SPACA6: variants seen among roughly 807,000 people sequenced by gnomAD.
The protein encoded by SPACA6 is sperm acrosome membrane-associated protein 6.
For synonymous variants in SPACA6, 6 were observed against 1.5 expected (o/e 4.05, Z -2.21); for missense variants, 8 against 2.8 (o/e 2.88, Z -1.34).
downstream of SPACA6, among the ~76,000 whole-genome samples, chr19:51,709,891 G>A (rs185238086): frequency 1.9e-3 from 296 of 152,280 alleles, 1 homozygote; most frequent in African/African-American, 7.0e-3. Context: ...GATGAGAGAA[G>A]GAGAGAGGCC....
chr19:51,705,216 A>G (rs1340696903), downstream of SPACA6: 4 of 400,320 alleles, frequency 1.0e-5, no homozygotes, highest in African/African-American at 2.1e-5. Flanking sequence ...GAAGGTGGTC[A>G]CTACTAACTC....
upstream of SPACA6, chr19:51,692,681 C>T (rs1446055917): frequency 3.8e-6 from 2 of 533,286 alleles, no homozygotes; most frequent in South Asian, 1.4e-5. The surrounding 1 kb of genome is among the most constrained non-coding windows in gnomAD (Gnocchi z 5.6). Flanking sequence ...GGGTCCGTGT[C>T]GGGGGCTCAC....
chr19:51,688,665 A>C (rs1358726232), upstream of SPACA6, among the ~76,000 whole-genome samples: 2 of 151,986 alleles, frequency 1.3e-5, no homozygotes, highest in African/African-American at 4.8e-5. Flanking sequence ...GGAGAAAGCG[A>C]GAGAGAGGAA....
chr19:51,709,657 C>T (rs953600119), downstream of SPACA6, among the ~76,000 whole-genome samples: 1 of 149,016 alleles, frequency 6.7e-6, no homozygotes, highest in Non-Finnish European at 1.5e-5. Flanking sequence ...ATGAGCGTCA[C>T]GGGTGGCTTT....
chr19:51,691,717 G>A (rs894675829), upstream of SPACA6, among the ~76,000 whole-genome samples: 2 of 151,688 alleles, frequency 1.3e-5, no homozygotes, highest in African/African-American at 4.8e-5. Context: ...CGGAAGGTGC[G>A]CCTGGAGCAG....
At chr19:51,708,735 G>A (rs552851328), downstream of SPACA6, among the ~76,000 whole-genome samples, 23 of 152,268 alleles carry the variant, frequency 1.5e-4, no homozygotes, top group African/African-American at 5.1e-4. Flanking sequence ...GCTGAAGCAC[G>A]AGAATTGCTT....
downstream of SPACA6, among the ~76,000 whole-genome samples, chr19:51,707,737 G>A (rs950888045): frequency 1.3e-5 from 2 of 152,174 alleles, no homozygotes; most frequent in African/African-American, 2.4e-5. Context: ...GACACCAGTC[G>A]CAAGCCAGGG....
downstream of SPACA6, among the ~76,000 whole-genome samples, chr19:51,709,141 T>C (rs1401460545): frequency 3.3e-5 from 5 of 150,980 alleles, no homozygotes; most frequent in Admixed American, 6.6e-5. Context: ...AGGCTTGAGC[T>C]TGAGAGGTCA....
chr19:51,705,335 C>T (rs1245791270), downstream of SPACA6: 1 of 377,058 alleles, frequency 2.7e-6, no homozygotes, highest in African/African-American at 2.1e-5. Context: ...AACCCAGATA[C>T]CCCCTCAGGT....
chr19:51,696,905 G>T (rs531956644), intron 2 of SPACA6, among the ~76,000 whole-genome samples: 2 of 152,292 alleles, frequency 1.3e-5, no homozygotes, highest in South Asian at 4.1e-4. Flanking sequence ...CAAGACCCTG[G>T]GGCCCGTGGG....
chr19:51,703,505 C>G lies in SPACA6; in HGVS notation c.573+168C>G, dbSNP rs1326477480. Among the ~76,000 whole-genome samples the G allele has an allele frequency of 6.6e-6, 1 of 152,122 alleles. No individual in the cohort carries two copies. Among genetic ancestry groups the G allele is most frequent in the East Asian group, 1.9e-4 (1 of 5,170 alleles). ...AGGGGAGAGCTCGAAGATCAGAATG[C>G]AGGACCAAGGACCTGGGGCGATGGC... is the stretch of plus-strand genomic sequence containing the variant. On this transcript the variant is annotated intron_variant, in intron 6 of 8. Transcript: ENST00000637797. The surrounding 1 kb of genome is among the most constrained non-coding windows in gnomAD (Gnocchi z 4.2).
intron 2 of SPACA6, among the ~76,000 whole-genome samples, chr19:51,700,544 AAC>A (rs1205450968): frequency 4.6e-5 from 7 of 152,196 alleles, no homozygotes; most frequent in African/African-American, 1.4e-4. Context: ...GGCCAAATAT[AAC>A]ACATCCCAGG....
chr19:51,697,426 T>TGCAAACACA (rs1183387313), intron 2 of SPACA6, among the ~76,000 whole-genome samples: 2 of 152,180 alleles, frequency 1.3e-5, no homozygotes, highest in African/African-American at 4.8e-5. Flanking sequence ...TGCCCATGCG[T>TGCAAACACA]GCAAAAGGCT....
At chr19:51,711,589 G>A (rs761279999) in intron 2 of SPACA6, among the ~76,000 whole-genome samples, 29 of 152,158 alleles carry the variant, frequency 1.9e-4, no homozygotes, top group Admixed American at 7.2e-4. Flanking sequence ...ACTTGCACAC[G>A]AATGTTCATA....
chr19:51,704,087 G>A lies in SPACA6; in HGVS notation c.631G>A (p.Ala211Thr), dbSNP rs1313936983. 2.5e-6 allele frequency: 1 copy of A among 401,130 alleles called. No homozygotes were observed. Among genetic ancestry groups the A allele is most frequent in the Non-Finnish European group, 4.4e-6 (1 of 226,262 alleles). 24.8% of individuals were successfully genotyped at this position (401,130 alleles called of 1,614,324 possible). ...TATGCCGCGGGCCGAAGGATACCTG[G>A]CGCGGATCCGGCCGGCTCAGCTCAC... Reference protein sequence around the residue: ...RDMPRAEGYLARIRPAQLTHR... With the variant: ...RDMPRAEGYLTRIRPAQLTHR... The change falls in exon 7 of 9, where the codon GCG becomes ACG. Residue 211 changes from alanine to threonine, a missense_variant. Physicochemically the swap from Ala to Thr is moderately conservative, Grantham distance 58 (BLOSUM62 0). Coordinates refer to ENST00000637797, the MANE Select transcript of SPACA6 (RefSeq NM_001316972.2).
chr19:51,712,611 T>C (rs1405554241), downstream of SPACA6, among the ~76,000 whole-genome samples: 2 of 152,010 alleles, frequency 1.3e-5, no homozygotes. Context: ...ATGGAAGAGG[T>C]TGGCACTGGC....
upstream of SPACA6, among the ~76,000 whole-genome samples, chr19:51,684,409 C>T (rs1406341382): frequency 2.6e-5 from 4 of 152,108 alleles, no homozygotes; most frequent in Non-Finnish European, 5.9e-5. Context: ...GGGAAACCCT[C>T]CCCAAAACAT....
upstream of SPACA6, chr19:51,685,384 G>T (rs2083323952): frequency 6.6e-6 from 1 of 152,060 alleles, no homozygotes. Context: ...TTTTTATTTT[G>T]TATTTTGGAC....
At chr19:51,696,988 C>T (rs1288388492) in intron 2 of SPACA6, among the ~76,000 whole-genome samples, 2 of 152,136 alleles carry the variant, frequency 1.3e-5, no homozygotes, top group Admixed American at 6.5e-5. Flanking sequence ...AGGGGGTTCT[C>T]AAGCCCCAGC....
Sources: allele counts gnomAD v4.1 joint callset (sites outside exome capture counted in the v4.1 genomes callset), GRCh38; gene constraint gnomAD v4.1.1; non-coding constraint Gnocchi (gnomAD v3.1); transcripts MANE v1.5; gene names NCBI Gene and HGNC (gene_info 2026-07-23, HGNC 2026-07-21).